TRAK1: variants seen among roughly 807,000 people sequenced by gnomAD.
The protein encoded by TRAK1 is trafficking kinesin protein 1.
A neutral mutation model predicts 92.1 loss-of-function variants in TRAK1; 33 were observed. The observed-to-expected ratio is 0.36, with a 90% confidence interval of 0.27 to 0.48. The LOEUF (loss-of-function observed/expected upper bound fraction) is 0.48, where lower values mean the gene tolerates loss of function less well. Ranked by LOEUF, TRAK1 falls within the 20% of genes least tolerant of loss-of-function variation. TRAK1 has a pLI of 0.99. For synonymous variants in TRAK1, 521 were observed against 517.3 expected, an observed-to-expected ratio of 1.01 and a Z score of -0.10; for missense variants, 1,123 against 1,257.9, an observed-to-expected ratio of 0.89 and a Z score of 1.62.
At chr3:42,182,197 C>T (rs140021492) in intron 3 of TRAK1, among the ~76,000 whole-genome samples, 1 of 152,126 alleles carries the variant, frequency 6.6e-6, no homozygotes, top group African/African-American at 2.4e-5. Flanking sequence ...CCCCTTTGCC[C>T]CGTGAGAGGG....
intron 1 of TRAK1, among the ~76,000 whole-genome samples, chr3:42,096,152 A>G (rs1705878382): frequency 6.6e-6 from 1 of 152,246 alleles, no homozygotes; most frequent in Non-Finnish European, 1.5e-5. Flanking sequence ...GGAATACCTA[A>G]TATTTCTTTT....
chr3:42,056,503 C>G (rs1041633493), intron 1 of TRAK1, among the ~76,000 whole-genome samples: 6 of 151,954 alleles, frequency 3.9e-5, no homozygotes, highest in Admixed American at 1.3e-4. Flanking sequence ...TATTGGATAA[C>G]AGATGTTAAA....
chr3:42,124,317 G>A (rs970503636), intron 1 of TRAK1, among the ~76,000 whole-genome samples: 6 of 152,192 alleles, frequency 3.9e-5, no homozygotes, highest in African/African-American at 1.4e-4. Flanking sequence ...CCCATGGGCT[G>A]TTTCCCATCA....
At chr3:42,134,649 C>T (rs371792868) in intron 2 of TRAK1, among the ~76,000 whole-genome samples, 12 of 140,190 alleles carry the variant, frequency 8.6e-5, no homozygotes, top group African/African-American at 2.7e-4. Context: ...TGCAGTGGTG[C>T]GATCTCAGCT....
upstream of TRAK1, chr3:42,091,245 G>A (rs1705021796): frequency 1.9e-6 from 1 of 517,586 alleles, no homozygotes; most frequent in Admixed American, 4.1e-5. Flanking sequence ...TTTCTGTTTG[G>A]GGTGGCTTAA....
chr3:42,195,934 C>T (rs747295344), intron 10 of TRAK1, among the ~76,000 whole-genome samples: 1 of 152,202 alleles, frequency 6.6e-6, no homozygotes, highest in South Asian at 2.1e-4. Context: ...TTCCCTCCTT[C>T]CTGGCTTGTC....
At chr3:42,049,172 A>C (rs895963014) in intron 1 of TRAK1, among the ~76,000 whole-genome samples, 14 of 152,252 alleles carry the variant, frequency 9.2e-5, no homozygotes, top group African/African-American at 3.4e-4. Flanking sequence ...CGCACCCAGC[A>C]GGGATGTTAT....
rs41289564 is a variant in TRAK1, at chr3:42,188,104, C to T, written c.540C>T (p.Ser180=). ...MKDELLQFYT[S]AAEESEPESV... is the part of the protein sequence containing the mutation. ...ATGAGCTGCTTCAGTTCTACACCAG[C>T]GCTGCGGAGGAGAGTGAGCCCGAGT... is the stretch of plus-strand genomic sequence containing the variant. Residue 180 remains serine (S), a synonymous_variant, in exon 5 of 16, where the codon AGC becomes AGT. Transcript: ENST00000327628. The T allele has an allele frequency of 1.7e-5, 27 of 1,614,090 alleles. No homozygotes were observed. The highest frequency in any genetic ancestry group is 1.3e-4 in the South Asian group (12 of 91,082).
At chr3:42,166,506 C>T (rs780904176) in intron 2 of TRAK1, among the ~76,000 whole-genome samples, 3 of 152,290 alleles carry the variant, frequency 2.0e-5, no homozygotes, top group African/African-American at 4.8e-5. Flanking sequence ...CGACCTTGGA[C>T]GAGCCACTGG....
intron 1 of TRAK1, among the ~76,000 whole-genome samples, chr3:42,027,250 G>A (rs1003351359): frequency 3.3e-5 from 5 of 152,140 alleles, no homozygotes; most frequent in Non-Finnish European, 5.9e-5. Flanking sequence ...TTGGCCGGGC[G>A]TGGTGGCTCA....
rs540291617 is a variant in TRAK1 at position 42,174,662 on chromosome 3, C to T, written c.287-2152C>T. Among the ~76,000 whole-genome samples, 251 of 137,270 alleles carry T rather than the reference C, an allele frequency of 1.8e-3. 4 individuals carry two copies. Among genetic ancestry groups the T allele is most frequent in the African/African-American group, 6.5e-3 (232 of 35,848 alleles). 90.1% of individuals were successfully genotyped at this position (137,270 alleles called of 152,430 possible). A position where few individuals can be genotyped will look rare whatever the true frequency, so the allele number is the denominator to read the frequency against. On this transcript the variant is annotated intron_variant, in intron 2 of 15. Transcript: ENST00000327628. ...ATTTTTGTGTGTATATATATATATA[C>T]ACACAAAATTTTTATATATATGCAA...
chr3:42,127,293 A>G (rs1026000398), intron 2 of TRAK1, among the ~76,000 whole-genome samples: 3 of 151,582 alleles, frequency 2.0e-5, no homozygotes, highest in South Asian at 4.2e-4. Flanking sequence ...GTGATTCTGC[A>G]GTACCTATCA....
intron 12 of TRAK1, among the ~76,000 whole-genome samples, chr3:42,201,860 ACG>A (rs1553609092): frequency 1.4e-5 from 2 of 139,540 alleles, no homozygotes; most frequent in South Asian, 2.6e-4. Context: ...ACCTGGACGG[ACG>A]GACGGACGGA....
chr3:42,033,761 AAGG>A, intron 1 of TRAK1, among the ~76,000 whole-genome samples: 1 of 152,174 alleles, frequency 6.6e-6, no homozygotes, highest in East Asian at 1.9e-4. Flanking sequence ...GCATTCGGTG[AAGG>A]AGATCTCTGA....
intron 1 of TRAK1, among the ~76,000 whole-genome samples, chr3:42,021,867 G>T (rs928912170): frequency 1.1e-4 from 17 of 152,134 alleles, no homozygotes; most frequent in Admixed American, 9.2e-4. Flanking sequence ...GAGCCACTGC[G>T]CCTGGCCCTC....
At chr3:42,203,727 C>T (rs1003930735) in intron 13 of TRAK1, 1 of 982,898 alleles carries the variant, frequency 1.0e-6, no homozygotes, top group Non-Finnish European at 1.2e-6. Flanking sequence ...AAATTATTGT[C>T]CCCTCTAAGG....
At chr3:42,194,972 C>CA in intron 10 of TRAK1, 31 bp downstream of exon 10, 1 of 1,611,302 alleles carries the variant, frequency 6.2e-7, no homozygotes, top group Non-Finnish European at 8.5e-7. Flanking sequence ...AGCCAGAGGA[C>CA]AGGAGGGGTT....
At position 42,019,046 on chromosome 3, in the gene TRAK1, C is replaced by T. The variant is rs548986600; in HGVS notation, c.-519+4929C>T. 1.3e-4 allele frequency among the ~76,000 whole-genome samples: 19 copies of T among 151,964 alleles called. No homozygotes were observed. The South Asian group carries it at 2.7e-3, about 22-fold the overall frequency. Reference sequence around the variant, plus strand: ...CTGAGGAAGGAGAATGGCTTGAACCCGGGAAGTGGAGGTTGCATTGAGCCA... The same window carrying T: ...CTGAGGAAGGAGAATGGCTTGAACCTGGGAAGTGGAGGTTGCATTGAGCCA... On this transcript the variant is annotated intron_variant, in intron 1 of 16. Transcript: ENST00000487159.
chr3:42,208,908 C>T (rs1261144665), intron 13 of TRAK1, among the ~76,000 whole-genome samples: 1 of 152,146 alleles, frequency 6.6e-6, no homozygotes, highest in Non-Finnish European at 1.5e-5. Context: ...TCTGTGATGC[C>T]CCTCAGTAAA....
Sources: allele counts gnomAD v4.1 joint callset (sites outside exome capture counted in the v4.1 genomes callset), GRCh38; gene constraint gnomAD v4.1.1; transcripts MANE v1.5; gene names NCBI Gene and HGNC (gene_info 2026-07-23, HGNC 2026-07-21).